The following SLC35F4 variants were observed in gnomAD, a reference collection of about 807,000 sequenced individuals.
SLC35F4 encodes the protein chromosome 14 open reading frame 36.
A neutral mutation model predicts 44.2 loss-of-function variants in SLC35F4; 24 were observed. That is an observed-to-expected ratio of 0.54 (90% confidence interval 0.39 to 0.76). The LOEUF (loss-of-function observed/expected upper bound fraction) is 0.76. Among genes scored for constraint, SLC35F4 ranks in the 30% least tolerant of loss-of-function variants. The pLI, the probability that SLC35F4 is intolerant of heterozygous loss-of-function variation, is 0.00. For synonymous variants in SLC35F4, 238 were observed against 223.6 expected, an observed-to-expected ratio of 1.06 and a Z score of -0.57; for missense variants, 562 against 586.1, an observed-to-expected ratio of 0.96 and a Z score of 0.42.
chr14:57,870,124 CTGTGTGTGTGTG>C (rs34282878), upstream of SLC35F4, among the ~76,000 whole-genome samples: 7 of 146,178 alleles, frequency 4.8e-5, no homozygotes, highest in South Asian at 6.7e-4. Flanking sequence ...TGTCTATGAT[CTGTGTGTGTGTG>C]TGTGTGTGTG....
At chr14:57,647,631 C>A (rs1039346335) in intron 1 of SLC35F4, among the ~76,000 whole-genome samples, 2 of 152,126 alleles carry the variant, frequency 1.3e-5, no homozygotes, top group African/African-American at 4.8e-5. Flanking sequence ...TGAAAAGCTT[C>A]CATTGATATT....
chr14:57,608,049 C>T (rs149771047), intron 1 of SLC35F4, among the ~76,000 whole-genome samples: 1 of 152,180 alleles, frequency 6.6e-6, no homozygotes, highest in Non-Finnish European at 1.5e-5. Context: ...AGTTTAAGTG[C>T]ATGAAACTCA....
chr14:57,594,033 AGACAGTGGGGACAGTTGTC>A lies in SLC35F4; in HGVS notation c.176_194del (p.Arg59MetfsTer62). ...TAGGAGCAGAGGAATCTTCGGTGAC[AGACAGTGGGGACAGTTGTC>A]TACTGATGCCACTGTGTGAACTGGG... is the stretch of plus-strand genomic sequence containing the variant. On this transcript the variant is annotated frameshift_variant, in exon 2 of 8. Coordinates refer to ENST00000556826, the MANE Select transcript of SLC35F4 (RefSeq NM_001306087.2). LOFTEE classifies it high-confidence loss of function. 6.2e-7 allele frequency: 1 copy of A among 1,613,926 alleles called. No homozygotes were observed. Among genetic ancestry groups the A allele is most frequent in the Non-Finnish European group, 8.5e-7 (1 of 1,179,852 alleles).
chr14:57,895,809 T>C (rs1232737930), intron 1 of SLC35F4, among the ~76,000 whole-genome samples: 2 of 152,066 alleles, frequency 1.3e-5, no homozygotes, highest in African/African-American at 4.8e-5. Context: ...AACAGACTAA[T>C]ACAGTAAGAA....
chr14:57,919,967 CCCTTTCACATG>C (rs1439621162), intron 1 of SLC35F4, among the ~76,000 whole-genome samples: 1 of 152,134 alleles, frequency 6.6e-6, no homozygotes, highest in Admixed American at 6.5e-5. Flanking sequence ...CCTTTCAGAT[CCCTTTCACATG>C]CCTTGCCTCC....
chr14:57,626,460 T>A (rs576084674), intron 1 of SLC35F4, among the ~76,000 whole-genome samples: 1 of 152,094 alleles, frequency 6.6e-6, no homozygotes, highest in Non-Finnish European at 1.5e-5. Flanking sequence ...TGTGCTCTGA[T>A]AGGAGCTCTT....
chr14:57,858,688 A>C (rs1031251178), intron 1 of SLC35F4, among the ~76,000 whole-genome samples: 2 of 150,318 alleles, frequency 1.3e-5, no homozygotes, highest in African/African-American at 5.0e-5. Flanking sequence ...ATTTTAAAAA[A>C]AGGAGGAAAA....
At position 57,581,212 on chromosome 14, in the gene SLC35F4, A is replaced by AC. The variant is rs2069229329; in HGVS notation, c.807+1dup. ...CGCGCATTGAATCAAGTATGCCATTACCCTCACTCCCATGAACCTGTCTTT... is the reference window on the plus strand; with the variant it reads ...CGCGCATTGAATCAAGTATGCCATTACCCCTCACTCCCATGAACCTGTCTTT... On this transcript the variant is annotated splice_donor_variant, in intron 4 of 7. Coordinates refer to ENST00000556826, the MANE Select transcript of SLC35F4 (RefSeq NM_001306087.2). LOFTEE classifies it high-confidence loss of function. 6.5e-7 allele frequency: 1 copy of AC among 1,545,892 alleles called. No homozygotes were observed. Among genetic ancestry groups the AC allele is most frequent in the Non-Finnish European group, 8.7e-7 (1 of 1,148,648 alleles).
intron 1 of SLC35F4, among the ~76,000 whole-genome samples, chr14:57,671,252 G>A (rs1398899204): frequency 2.0e-5 from 3 of 152,028 alleles, no homozygotes; most frequent in Non-Finnish European, 4.4e-5. Flanking sequence ...GAGAAGCGGT[G>A]GGGAGCTGGG....
At chr14:57,956,264 C>T (rs889705141) in intron 1 of SLC35F4, among the ~76,000 whole-genome samples, 12 of 152,144 alleles carry the variant, frequency 7.9e-5, no homozygotes, top group Admixed American at 5.2e-4. Context: ...TAGACCCCTT[C>T]CTTACACCTT....
At position 57,721,434 on chromosome 14, in the gene SLC35F4, G is replaced by C. The variant is rs548660807; in HGVS notation, c.104-127310C>G. On this transcript the variant is annotated intron_variant, in intron 1 of 7. Transcript: ENST00000556826. ...GGACAAAGTGATGGAAGAAAATGAT[G>C]AACTCAGGGATTTTAACTCCCATCT... Among the ~76,000 whole-genome samples the C allele has an allele frequency of 2.6e-5, 4 of 152,212 alleles. No individual in the cohort carries two copies. In the East Asian group the frequency reaches 7.7e-4, roughly 29 times the overall value.
At chr14:57,883,962 A>G (rs1019414208) in intron 1 of SLC35F4, among the ~76,000 whole-genome samples, 5 of 152,202 alleles carry the variant, frequency 3.3e-5, no homozygotes, top group Non-Finnish European at 5.9e-5. Flanking sequence ...TTAAAATGAC[A>G]AATGCAAAGA....
At chr14:57,584,963 G>C (rs1381755003) in intron 3 of SLC35F4, among the ~76,000 whole-genome samples, 1 of 152,128 alleles carries the variant, frequency 6.6e-6, no homozygotes, top group Non-Finnish European at 1.5e-5. Flanking sequence ...TATAAATACT[G>C]TTTAAAAATT....
chr14:57,975,713 C>T (rs534287799), downstream of SLC35F4, among the ~76,000 whole-genome samples: 8 of 152,164 alleles, frequency 5.3e-5, no homozygotes, highest in East Asian at 7.7e-4. Flanking sequence ...AAGAATGCAC[C>T]GCAGAGAGGA....
At chr14:57,789,312 A>T (rs1237355961) in intron 1 of SLC35F4, among the ~76,000 whole-genome samples, 1 of 152,206 alleles carries the variant, frequency 6.6e-6, no homozygotes, top group Non-Finnish European at 1.5e-5. Context: ...GATAAAGGGG[A>T]GATCACCACT....
At position 57,937,630 on chromosome 14, in the gene SLC35F4, G is replaced by GA. The variant is rs112173138; in HGVS notation, n.282+44282dup. Among the ~76,000 whole-genome samples, 7 of 123,924 alleles carry GA rather than the reference G, an allele frequency of 5.6e-5. No homozygotes were observed. The East Asian group carries it at 9.7e-4, about 17-fold the overall frequency. 81.3% of individuals were successfully genotyped at this position (123,924 alleles called of 152,430 possible). A position where few individuals can be genotyped will look rare whatever the true frequency, so the allele number is the denominator to read the frequency against. On this transcript the variant is annotated intron_variant and non_coding_transcript_variant, in intron 1 of 1. Transcript: ENST00000556568. ...GAAAAGAAAAGAAAAGAAAAGAAAA[G>GA]AAAAGAAAAGAAAAGAAAAGAAAAA...
At chr14:57,920,067 C>T (rs926229983) in intron 1 of SLC35F4, among the ~76,000 whole-genome samples, 5 of 152,144 alleles carry the variant, frequency 3.3e-5, no homozygotes, top group Non-Finnish European at 7.3e-5. Context: ...GATAGAGACA[C>T]AATATATGCA....
intron 1 of SLC35F4, among the ~76,000 whole-genome samples, chr14:57,943,114 G>C (rs1889944634): frequency 2.6e-5 from 4 of 152,170 alleles, no homozygotes; most frequent in Admixed American, 1.3e-4. Context: ...AAAATAACTG[G>C]AGAGTTTTGC....
At chr14:57,815,252 C>G (rs1326900271) in intron 1 of SLC35F4, among the ~76,000 whole-genome samples, 5 of 152,190 alleles carry the variant, frequency 3.3e-5, no homozygotes, top group Non-Finnish European at 5.9e-5. Context: ...ATTCACAGCC[C>G]AACCTGCTAA....
Sources: allele counts gnomAD v4.1 joint callset (sites outside exome capture counted in the v4.1 genomes callset), GRCh38; gene constraint gnomAD v4.1.1; transcripts MANE v1.5; gene names NCBI Gene and HGNC (gene_info 2026-07-23, HGNC 2026-07-21).